Variants in ADD1 observed in about 807,000 individuals in gnomAD.
The protein encoded by ADD1 is alpha-adducin.
A neutral mutation model predicts 80.5 loss-of-function variants in ADD1; 24 were observed. The observed-to-expected ratio is 0.30, with a 90% confidence interval of 0.22 to 0.42. ADD1 has a LOEUF of 0.42. Among genes scored for constraint, ADD1 ranks in the 10% least tolerant of loss-of-function variants. ADD1 has a pLI of 1.00. For missense variants in ADD1, 948 were observed against 1,019.0 expected, an observed-to-expected ratio of 0.93 and a Z score of 0.95; for synonymous variants, 373 against 393.8, an observed-to-expected ratio of 0.95 and a Z score of 0.63.
intron 14 of ADD1, among the ~76,000 whole-genome samples, chr4:2,923,955 C>T (rs1003236662): frequency 6.6e-6 from 1 of 152,244 alleles, no homozygotes; most frequent in Non-Finnish European, 1.5e-5. Context: ...ACGCTCTGAA[C>T]GTCCTTACTG....
At chr4:2,883,871 C>T (rs1177015159) in intron 3 of ADD1, among the ~76,000 whole-genome samples, 2 of 152,062 alleles carry the variant, frequency 1.3e-5, no homozygotes. Context: ...CAGGGTTTCA[C>T]CTTGTTAGCC....
intron 1 of ADD1, among the ~76,000 whole-genome samples, chr4:2,850,280 T>C (rs1726867015): frequency 6.6e-6 from 1 of 152,250 alleles, no homozygotes; most frequent in Non-Finnish European, 1.5e-5. Flanking sequence ...GTTTTTTGTT[T>C]TTTGTGAGAC....
chr4:2,888,211 C>T (rs1190182223), intron 4 of ADD1, among the ~76,000 whole-genome samples: 3 of 151,508 alleles, frequency 2.0e-5, no homozygotes, highest in Non-Finnish European at 2.9e-5. Context: ...CATGTGCCAC[C>T]ATGCGCAGGT....
In ADD1 at chr4:2,898,296, T is replaced by C. The variant is rs997117092; in HGVS notation, c.854T>C (p.Leu285Ser). 2 of 1,614,250 alleles carry C rather than the reference T, an allele frequency of 1.2e-6. No individual in the cohort carries two copies. The highest frequency in any genetic ancestry group is 2.7e-5 in the African/African-American group (2 of 75,060). ...CTGGTTGATGAAGAGGAAAAAGTTT[T>C]GATTCAGAAAAATCTGGGGCCTAAA... ...GILVDEEEKV[L>S]IQKNLGPKSK... The change falls in exon 7 of 16, where the codon TTG becomes TCG. Residue 285 changes from leucine to serine, a missense_variant. Physicochemically the swap from Leu to Ser is moderately radical, Grantham distance 145. Coordinates refer to ENST00000683351, the MANE Select transcript of ADD1 (RefSeq NM_001354761.2).
intron 4 of ADD1, among the ~76,000 whole-genome samples, chr4:2,891,240 G>T (rs1385742381): frequency 1.3e-5 from 2 of 152,208 alleles, no homozygotes; most frequent in South Asian, 4.2e-4. Context: ...ATCACTTGAG[G>T]CCAGGAGTTT....
At position 2,894,064 on chromosome 4, in the gene ADD1, C is replaced by G. The variant is rs1436631272; in HGVS notation, c.562C>G (p.Leu188Val). ...CTTCCTCATTGTCCCTTTTGGGCTTCTTTACAGTGAAGTGACTGCATCCAG... is the reference window on the plus strand; with the variant it reads ...CTTCCTCATTGTCCCTTTTGGGCTTGTTTACAGTGAAGTGACTGCATCCAG... Reference protein sequence around the residue: ...EHFLIVPFGLLYSEVTASSLV... With the variant: ...EHFLIVPFGLVYSEVTASSLV... Residue 188 changes from leucine (L) to valine (V), a missense_variant, in exon 5 of 16, where the codon CTT (leucine) becomes GTT (valine). Transcript: ENST00000683351. The G allele has an allele frequency of 9.3e-6, 15 of 1,614,160 alleles. No homozygotes were observed. The highest frequency in any genetic ancestry group is 1.3e-5 in the Non-Finnish European group (15 of 1,180,008).
intron 13 of ADD1, among the ~76,000 whole-genome samples, chr4:2,912,723 C>T (rs924887297): frequency 6.6e-6 from 1 of 152,058 alleles, no homozygotes; most frequent in African/African-American, 2.4e-5. Flanking sequence ...GACAAGGTCT[C>T]ACTATGTTGC....
intron 7 of ADD1, 27 bp from the exon 8 acceptor site, chr4:2,898,402 AGCTC>A (rs1316223348): frequency 1.5e-5 from 24 of 1,613,856 alleles, no homozygotes; most frequent in Non-Finnish European, 1.3e-5. Flanking sequence ...CTTCCTGCCC[AGCTC>A]CACAGAGCAT....
In ADD1 at chr4:2,928,692, G is replaced by A; in HGVS notation, c.*169G>A. ...GTAGCCCCGGGCTGACCCAGTGTGT[G>A]CTCAGCAGCCCCACCCCACCCTGCC... On this transcript the variant is annotated 3_prime_UTR_variant, in exon 16 of 16. Coordinates refer to ENST00000683351, the MANE Select transcript of ADD1 (RefSeq NM_001354761.2). The A allele has an allele frequency of 6.0e-6, 4 of 661,746 alleles. No individual in the cohort carries two copies. The highest frequency in any genetic ancestry group is 7.5e-6 in the Non-Finnish European group (3 of 399,932). 41.0% of individuals were successfully genotyped at this position (661,746 alleles called of 1,614,324 possible).
intron 1 of ADD1, chr4:2,854,968 A>G (rs2108801975): frequency 6.6e-6 from 1 of 152,276 alleles, no homozygotes; most frequent in Middle Eastern, 3.4e-3. Flanking sequence ...CGCCTCTTCC[A>G]GCTTCTCATG....
intron 13 of ADD1, among the ~76,000 whole-genome samples, chr4:2,911,146 T>C (rs564044482): frequency 6.6e-6 from 1 of 152,130 alleles, no homozygotes; most frequent in African/African-American, 2.4e-5. Flanking sequence ...CAAGGACGAC[T>C]GTGTCCCACA....
At chr4:2,850,213 G>C (rs999774258) in intron 1 of ADD1, among the ~76,000 whole-genome samples, 2 of 152,216 alleles carry the variant, frequency 1.3e-5, no homozygotes, top group African/African-American at 4.8e-5. Context: ...AGACACAAGA[G>C]ACCATGTGCT....
chr4:2,899,492 G>C, intron 9 of ADD1, 57 bp downstream of exon 9: 1 of 1,601,312 alleles, frequency 6.2e-7, no homozygotes, highest in Non-Finnish European at 8.5e-7. Flanking sequence ...CATCAGTGTT[G>C]GTGTTCTTAC....
chr4:2,904,795 C>G lies in ADD1; in HGVS notation c.1193C>G (p.Pro398Arg). The part of the protein sequence containing the change: ...GYRTGYPYRY[P>R]ALREKSKKYS... ...AGAACTGGCTACCCTTATCGATACC[C>G]TGCTCTGAGAGAGAAGTCTAAAAAA... The change falls in exon 10 of 16, where the codon CCT (proline) becomes CGT (arginine). Residue 398 changes from proline (P) to arginine (R), a missense_variant. Pro to Arg is a moderately radical substitution (Grantham distance 103). Coordinates refer to ENST00000683351, the MANE Select transcript of ADD1 (RefSeq NM_001354761.2). 1.2e-6 allele frequency: 2 copies of G among 1,614,174 alleles called. No individual in the cohort carries two copies. The highest frequency in any genetic ancestry group is 8.5e-7 in the Non-Finnish European group (1 of 1,180,034).
At chr4:2,925,236 G>A (rs891884971) in intron 14 of ADD1, among the ~76,000 whole-genome samples, 1 of 152,204 alleles carries the variant, frequency 6.6e-6, no homozygotes, top group African/African-American at 2.4e-5. Flanking sequence ...GCTTCTGGAA[G>A]GTAGCTGCCA....
At chr4:2,849,930 C>T (rs1178139804) in intron 1 of ADD1, among the ~76,000 whole-genome samples, 1 of 152,138 alleles carries the variant, frequency 6.6e-6, no homozygotes, top group African/African-American at 2.4e-5. Context: ...CCATGTAATA[C>T]ATGAAAGAGA....
At chr4:2,863,550 G>T (rs1405271002) in intron 1 of ADD1, among the ~76,000 whole-genome samples, 1 of 152,166 alleles carries the variant, frequency 6.6e-6, no homozygotes, top group Admixed American at 6.5e-5. Flanking sequence ...ATTTGGTGCT[G>T]TGGAAAGTTC....
chr4:2,918,359 A>G (rs1349068504), intron 14 of ADD1, among the ~76,000 whole-genome samples: 2 of 152,132 alleles, frequency 1.3e-5, no homozygotes, highest in Non-Finnish European at 2.9e-5. Context: ...TTTGCAGTTG[A>G]TTTTGTATCT....
intron 1 of ADD1, among the ~76,000 whole-genome samples, chr4:2,859,870 CT>C (rs768050496): frequency 2.0e-5 from 3 of 151,576 alleles, no homozygotes; most frequent in Non-Finnish European, 4.4e-5. Flanking sequence ...TAATGACATA[CT>C]TTTCCATCTT....
Sources: gnomAD v4.1 joint callset for allele counts (sites outside exome capture counted in the v4.1 genomes callset) on GRCh38, gnomAD v4.1.1 for gene constraint, MANE v1.5 for transcripts, NCBI Gene and HGNC (gene_info 2026-07-23, HGNC 2026-07-21) for gene names.